The following IL2RA variants were observed in gnomAD, a reference collection of about 807,000 sequenced individuals.
IL2RA encodes the protein interleukin-2 receptor subunit alpha.
IL2RA carries 24 observed loss-of-function variants against 37.8 expected under a neutral mutation model. The observed-to-expected ratio is 0.63, with a 90% CI of 0.46 to 0.89. The LOEUF is 0.89. Among genes scored for constraint, IL2RA ranks in the 40% least tolerant of loss-of-function variants. IL2RA has a pLI of 0.00. For synonymous variants in IL2RA, 125 were observed against 114.6 expected (o/e 1.09, Z -0.58); for missense variants, 319 against 348.6 (o/e 0.92, Z 0.68).
At chr10:6,051,126 G>T (rs532181473) in intron 1 of IL2RA, among the ~76,000 whole-genome samples, 22 of 151,354 alleles carry the variant, frequency 1.5e-4, no homozygotes, top group Non-Finnish European at 2.5e-4. Context: ...CTTTACAAAA[G>T]TTCTTTTTGT....
chr10:6,026,910 T>C (rs1839492651), intron 1 of IL2RA, among the ~76,000 whole-genome samples: 1 of 152,022 alleles, frequency 6.6e-6, no homozygotes. Context: ...GCCGGTTGTG[T>C]ATTGGTCATT....
At chr10:6,031,482 A>ATATATG (rs1839584301) in intron 1 of IL2RA, among the ~76,000 whole-genome samples, 1 of 31,854 alleles carries the variant, frequency 3.1e-5, no homozygotes, top group Non-Finnish European at 5.5e-5. Context: ...ATATATATAT[A>ATATATG]TATATATATA....
chr10:6,058,393 A>G lies in IL2RA; in HGVS notation c.64+3695T>C, dbSNP rs567829878. Among the ~76,000 whole-genome samples the G allele has an allele frequency of 1.2e-4, 19 of 152,184 alleles. No homozygotes were observed. Among genetic ancestry groups the G allele is most frequent in the Non-Finnish European group, 8.8e-5 (6 of 68,034 alleles). On this transcript the variant is annotated intron_variant, in intron 1 of 7. Transcript: ENST00000379959. The surrounding 1 kb of genome is among the most constrained non-coding windows in gnomAD (Gnocchi z 4.2). ...GCACAGGTGATTTATCAAACTGCCT[A>G]TTTAAGGCATGCTGTTTTAAGGAAA...
In IL2RA at chr10:6,058,260, C is replaced by T. The variant is rs1840077554; in HGVS notation, c.64+3828G>A. On this transcript the variant is annotated intron_variant, in intron 1 of 7. Coordinates refer to ENST00000379959, the MANE Select transcript of IL2RA (RefSeq NM_000417.3). The surrounding 1 kb of genome is among the most constrained non-coding windows in gnomAD (Gnocchi z 4.2). ...GGAGTTTTAGAGCTCAGCAACCGTT[C>T]TATATTAGCACCTCTAACTGACGCA... Among the ~76,000 whole-genome samples the T allele has an allele frequency of 6.6e-6, 1 of 152,186 alleles. No homozygotes were observed. The highest frequency in any genetic ancestry group is 2.4e-5 in the African/African-American group (1 of 41,448).
chr10:6,023,013 A>G (rs1417285001), intron 3 of IL2RA, among the ~76,000 whole-genome samples: 1 of 152,258 alleles, frequency 6.6e-6, no homozygotes, highest in East Asian at 1.9e-4. Flanking sequence ...TGGAAGCTGT[A>G]AGTAAATTCA....
rs1168674432 is a variant in IL2RA at position 6,056,150 on chromosome 10, G to T, written c.64+5938C>A. ...GTGAGTTACTTGAGAATATGGTGGG[G>T]TATTCAGTGGGGGCTATTGGCAAAC... On this transcript the variant is annotated intron_variant, in intron 1 of 7. Transcript: ENST00000379959. This position sits in a 1 kb window ranked among gnomAD's most constrained non-coding sequence, Gnocchi z 5.0. Among the ~76,000 whole-genome samples the T allele has an allele frequency of 3.9e-5, 6 of 152,184 alleles. No individual in the cohort carries two copies. The highest frequency in any genetic ancestry group is 1.4e-4 in the African/African-American group (6 of 41,434).
rs919415097 is a variant in IL2RA, at chr10:6,058,591, T to A, written c.64+3497A>T. Among the ~76,000 whole-genome samples, 3 of 152,364 alleles carry A rather than the reference T, an allele frequency of 2.0e-5. No individual in the cohort carries two copies. The highest frequency in any genetic ancestry group is 7.2e-5 in the African/African-American group (3 of 41,582). ...TGTGTTTGACTGACAAAGGTGAAGA[T>A]GGGAAATTCCATTGTGGGCAGTTGT... On this transcript the variant is annotated intron_variant, in intron 1 of 7. Coordinates refer to ENST00000379959, the MANE Select transcript of IL2RA (RefSeq NM_000417.3). This position sits in a 1 kb window ranked among gnomAD's most constrained non-coding sequence, Gnocchi z 4.2.
rs749966800 is a variant in IL2RA, at chr10:6,016,577, C to CT, written c.794+1475dup. On this transcript the variant is annotated intron_variant, in intron 7 of 7. Coordinates refer to ENST00000379959, the MANE Select transcript of IL2RA (RefSeq NM_000417.3). ...AATCATTGATATCTTTTACCTTTTTCTTTTTTTTTTTTGAGACAGAGTTTC... is the reference window on the plus strand; with the variant it reads ...AATCATTGATATCTTTTACCTTTTTCTTTTTTTTTTTTTGAGACAGAGTTTC... Among the ~76,000 whole-genome samples, 735 of 145,696 alleles carry CT rather than the reference C, an allele frequency of 5.0e-3. 27 individuals are homozygous for CT. In the South Asian group the frequency reaches 0.1, roughly 20 times the overall value.
At chr10:6,051,657 TTACA>T (rs1839961271) in intron 1 of IL2RA, among the ~76,000 whole-genome samples, 2 of 146,556 alleles carry the variant, frequency 1.4e-5, no homozygotes, top group East Asian at 4.0e-4. Context: ...GTAGCTGGGA[TTACA>T]GGCATGTGCC....
At chr10:6,031,480 A>G (rs867972798) in intron 1 of IL2RA, among the ~76,000 whole-genome samples, 6 of 30,988 alleles carry the variant, frequency 1.9e-4, no homozygotes, top group African/African-American at 4.6e-4. Flanking sequence ...ATATATATAT[A>G]TATATATATA....
intron 7 of IL2RA, among the ~76,000 whole-genome samples, 180 bp downstream of exon 7, chr10:6,017,873 C>T (rs567263760): frequency 1.5e-3 from 227 of 152,190 alleles, no homozygotes; most frequent in African/African-American, 5.0e-3. Context: ...CCACTGCACC[C>T]GGCGGTGCTT....
intron 1 of IL2RA, among the ~76,000 whole-genome samples, chr10:6,037,210 G>A (rs1246681336): frequency 2.0e-5 from 3 of 152,196 alleles, no homozygotes; most frequent in Admixed American, 6.5e-5. Context: ...GAGGAAAGGT[G>A]TGTGGGTGAG....
At position 6,046,558 on chromosome 10, in the gene IL2RA, C is replaced by T. The variant is rs1422413349; in HGVS notation, c.64+15530G>A. Among the ~76,000 whole-genome samples, 1 of 152,176 alleles carries T rather than the reference C, an allele frequency of 6.6e-6. No homozygotes were observed. Among genetic ancestry groups the T allele is most frequent in the Non-Finnish European group, 1.5e-5 (1 of 68,044 alleles). On this transcript the variant is annotated intron_variant, in intron 1 of 7. Transcript: ENST00000379959. This position sits in a 1 kb window ranked among gnomAD's most constrained non-coding sequence, Gnocchi z 4.8. ...CTGTGCTCCAGGGACTGTTCTCAGA[C>T]ACATAAATGCAACCTCAAGGCTTTT...
chr10:6,016,730 G>A (rs549900795), intron 7 of IL2RA, among the ~76,000 whole-genome samples: 4 of 151,962 alleles, frequency 2.6e-5, no homozygotes, highest in African/African-American at 9.7e-5. Flanking sequence ...CCACCACCAC[G>A]CCTGGCTTAT....
At chr10:6,026,605 G>A (rs1033606589) in intron 1 of IL2RA, among the ~76,000 whole-genome samples, 3 of 152,164 alleles carry the variant, frequency 2.0e-5, no homozygotes, top group African/African-American at 7.2e-5. Context: ...CCTGAAAAAT[G>A]GACTCTGGTA....
intron 1 of IL2RA, among the ~76,000 whole-genome samples, chr10:6,034,586 T>C (rs1175981952): frequency 6.6e-6 from 1 of 152,162 alleles, no homozygotes; most frequent in African/African-American, 2.4e-5. Context: ...AATGTTGAAA[T>C]CATCTTTCCC....
chr10:6,053,876 G>T (rs1027111684), intron 1 of IL2RA, among the ~76,000 whole-genome samples: 3 of 152,192 alleles, frequency 2.0e-5, no homozygotes, highest in Non-Finnish European at 2.9e-5. Flanking sequence ...TAGTCCAATT[G>T]CACCAGCTTG....
At chr10:6,023,381 G>A (rs1839420418) in intron 3 of IL2RA, among the ~76,000 whole-genome samples, 1 of 152,102 alleles carries the variant, frequency 6.6e-6, no homozygotes, top group South Asian at 2.1e-4. Flanking sequence ...TGTCACTCAG[G>A]CTGGAGTGCA....
At chr10:6,045,512 C>T (rs1295998725) in intron 1 of IL2RA, among the ~76,000 whole-genome samples, 4 of 152,148 alleles carry the variant, frequency 2.6e-5, no homozygotes, top group Non-Finnish European at 5.9e-5. Context: ...CGGTCGACAA[C>T]AGGCTTCCGG....
Sources: gnomAD v4.1 joint callset for allele counts (sites outside exome capture counted in the v4.1 genomes callset) on GRCh38, gnomAD v4.1.1 for gene constraint, Gnocchi (gnomAD v3.1) non-coding constraint, MANE v1.5 for transcripts, NCBI Gene and HGNC (gene_info 2026-07-23, HGNC 2026-07-21) for gene names.